UBB: variants seen among roughly 807,000 people sequenced by gnomAD.
UBB encodes ubiquitin B, also known as polyubiquitin-B.
UBB carries 11 observed loss-of-function variants against 12.5 expected under a neutral mutation model. That is an observed-to-expected ratio of 0.88 (90% CI 0.55 to 1.45). UBB has a LOEUF of 1.45. Among genes scored for constraint, UBB ranks in the 40% most tolerant of loss-of-function variants. The pLI is 0.00. For missense variants in UBB, 76 were observed against 286.9 expected (o/e 0.26, Z 5.31); for synonymous variants, 168 against 120.1 (o/e 1.40, Z -2.61).
At chr17:16,381,258 C>T (rs762936283) in intron 1 of UBB, 74 bp downstream of exon 1, 136 of 100,128 alleles carry the variant, frequency 1.4e-3, no homozygotes, top group Admixed American at 2.3e-3. Context: ...GTGGAGGCTT[C>T]TTGGGGTTGG....
rs1183878271 is a variant in UBB at position 16,382,500 on chromosome 17, C to T, written c.593C>T (p.Ala198Val). 1 of 1,613,222 alleles carries T rather than the reference C, an allele frequency of 6.2e-7. No homozygotes were observed. The highest frequency in any genetic ancestry group is 1.3e-5 in the African/African-American group (1 of 74,786). ...IPPDQQRLIF[A>V]GKQLEDGRTL... ...CCCGACCAGCAGAGGCTCATCTTTG[C>T]AGGCAAGCAGCTGGAAGATGGCCGC... The change falls in exon 2 of 2, where the codon GCA (alanine) becomes GTA (valine). Residue 198 changes from alanine to valine, a missense_variant. Coordinates refer to ENST00000302182, the MANE Select transcript of UBB (RefSeq NM_018955.4).
chr17:16,381,592 C>T (rs1368765467), intron 1 of UBB: 4 of 418,448 alleles, frequency 9.6e-6, no homozygotes, highest in Non-Finnish European at 1.8e-5. Flanking sequence ...GTTTGCCTAA[C>T]ACCGTGCTTA....
At chr17:16,381,846 A>G in intron 1 of UBB, 56 bp from the exon 2 acceptor site, 1 of 1,582,730 alleles carries the variant, frequency 6.3e-7, no homozygotes, top group Non-Finnish European at 8.6e-7. Context: ...TTAGGTGTAA[A>G]AGCAAGAAAT....
rs570202063 is a variant in UBB at position 16,382,144 on chromosome 17, C to T, written c.237C>T (p.Ile79=). ...LVLRLRGGMQ[I]FVKTLTGKTI... is the part of the protein sequence containing the mutation. ...TGCGTCTGAGAGGTGGTATGCAGAT[C>T]TTCGTGAAGACCCTGACCGGCAAGA... The change falls in exon 2 of 2, where the codon ATC becomes ATT. Residue 79 remains isoleucine (I), a synonymous_variant. Transcript: ENST00000302182. The T allele has an allele frequency of 5.0e-6, 8 of 1,607,620 alleles. No homozygotes were observed. The highest frequency in any genetic ancestry group is 6.8e-6 in the Non-Finnish European group (8 of 1,178,646).
rs918300096 is a variant in UBB at position 16,381,134 on chromosome 17, C to G, written c.-57C>G. Reference sequence around the variant, plus strand: ...TTGTTGGGTGAGCTTGTTTGTGTCCCTGTGGGTGGACGTGGTTGGTGATTG... The same window carrying G: ...TTGTTGGGTGAGCTTGTTTGTGTCCGTGTGGGTGGACGTGGTTGGTGATTG... On this transcript the variant is annotated 5_prime_UTR_variant, in exon 1 of 2. Transcript: ENST00000302182. The G allele has an allele frequency of 1.3e-5, 2 of 151,960 alleles. No individual in the cohort carries two copies. The highest frequency in any genetic ancestry group is 6.6e-5 in the Admixed American group (1 of 15,174). The allele number at this position is 151,960 out of a possible 1,614,324, so 9.4% of individuals were successfully genotyped here. A position where few individuals can be genotyped will look rare whatever the true frequency, so the allele number is the denominator to read the frequency against.
rs1446370543 is a variant in UBB, at chr17:16,382,406, C to T, written c.499C>T (p.Leu167=). The part of the protein sequence containing the change: ...VKTLTGKTIT[L]EVEPSDTIEN... ...GACCCTGACCGGCAAGACCATCACT[C>T]TGGAGGTGGAGCCCAGTGACACCAT... is the stretch of plus-strand genomic sequence containing the variant. Residue 167 remains leucine (L), a synonymous_variant, in exon 2 of 2, where the codon CTG becomes TTG. Coordinates refer to ENST00000302182, the MANE Select transcript of UBB (RefSeq NM_018955.4). The T allele has an allele frequency of 1.9e-6, 3 of 1,611,752 alleles. No homozygotes were observed. In the South Asian group the frequency reaches 3.3e-5, roughly 18 times the overall value.
rs148876590 is a variant in UBB at position 16,382,072 on chromosome 17, T to A, written c.165T>A (p.Thr55=). Residue 55 remains threonine, a synonymous_variant, in exon 2 of 2, where the codon ACT becomes ACA. Coordinates refer to ENST00000302182, the MANE Select transcript of UBB (RefSeq NM_018955.4). ...FAGKQLEDGR[T]LSDYNIQKES... is the part of the protein sequence containing the mutation. Reference sequence around the variant, plus strand: ...GCAAGCAGCTGGAAGATGGCCGTACTCTTTCTGACTACAACATCCAGAAGG... The same window carrying A: ...GCAAGCAGCTGGAAGATGGCCGTACACTTTCTGACTACAACATCCAGAAGG... 5 of 1,608,070 alleles carry A rather than the reference T, an allele frequency of 3.1e-6. No homozygotes were observed. In the East Asian group the frequency reaches 1.1e-4, roughly 36 times the overall value.
At chr17:16,381,879 C>T (rs750592437) in intron 1 of UBB, 23 bp from the exon 2 acceptor site, 1 of 1,612,382 alleles carries the variant, frequency 6.2e-7, no homozygotes, top group African/African-American at 1.3e-5. Flanking sequence ...AGGTGACACG[C>T]TTATGTTTTA....
Position 16,382,603 on chromosome 17 carries a change from C to A in UBB, c.*6C>A, listed in dbSNP as rs763500226. On this transcript the variant is annotated 3_prime_UTR_variant, in exon 2 of 2. Coordinates refer to ENST00000302182, the MANE Select transcript of UBB (RefSeq NM_018955.4). ...GCCTGAGGGGTGGCTGTTAATTCTT[C>A]AGTCATGGCATTCGCAGTGCCCAGT... 5.6e-6 allele frequency: 9 copies of A among 1,613,752 alleles called. No homozygotes were observed. Among genetic ancestry groups the A allele is most frequent in the African/African-American group, 1.3e-5 (1 of 74,938 alleles).
At position 16,382,507 on chromosome 17, in the gene UBB, G is replaced by A; in HGVS notation, c.600G>A (p.Lys200=). The A allele has an allele frequency of 1.2e-6, 2 of 1,613,430 alleles. No homozygotes were observed. Among genetic ancestry groups the A allele is most frequent in the Non-Finnish European group, 1.7e-6 (2 of 1,179,824 alleles). The change falls in exon 2 of 2, where the codon AAG becomes AAA. Residue 200 remains lysine (K), a synonymous_variant. Coordinates refer to ENST00000302182, the MANE Select transcript of UBB (RefSeq NM_018955.4). ...PDQQRLIFAG[K]QLEDGRTLSD... is the part of the protein sequence containing the mutation. Reference sequence around the variant, plus strand: ...AGCAGAGGCTCATCTTTGCAGGCAAGCAGCTGGAAGATGGCCGCACTCTTT... The same window carrying A: ...AGCAGAGGCTCATCTTTGCAGGCAAACAGCTGGAAGATGGCCGCACTCTTT...
chr17:16,381,604 G>A, intron 1 of UBB: 1 of 452,428 alleles, frequency 2.2e-6, no homozygotes, highest in Non-Finnish European at 4.0e-6. Context: ...CCGTGCTTAG[G>A]TTTGAGGCAG....
chr17:16,382,476 C>G lies in UBB; in HGVS notation c.569C>G (p.Pro190Arg), dbSNP rs764500960. Residue 190 changes from proline (P) to arginine (R), a missense_variant, in exon 2 of 2, where the codon CCC (proline) becomes CGC (arginine). Physicochemically the swap from Pro to Arg is moderately radical, Grantham distance 103. Transcript: ENST00000302182. ...ATCCAAGATAAAGAAGGCATCCCCC[C>G]CGACCAGCAGAGGCTCATCTTTGCA... ...AKIQDKEGIP[P>R]DQQRLIFAGK... 3 of 1,612,736 alleles carry G rather than the reference C, an allele frequency of 1.9e-6. No individual in the cohort carries two copies. The highest frequency in any genetic ancestry group is 2.5e-6 in the Non-Finnish European group (3 of 1,179,716).
upstream of UBB, chr17:16,380,994 G>A (rs1257233812): frequency 2.0e-5 from 3 of 153,542 alleles, no homozygotes; most frequent in Non-Finnish European, 1.5e-5. Flanking sequence ...TGGGCGCGGC[G>A]AACTACTTTC....
rs1218546306 is a variant in UBB at position 16,381,180 on chromosome 17, A to C, written c.-11A>C. On this transcript the variant is annotated 5_prime_UTR_variant, in exon 1 of 2. Coordinates refer to ENST00000302182, the MANE Select transcript of UBB (RefSeq NM_018955.4). ...GATTGGCAGGATCCTGGTATCCGCT[A>C]ACAGGTACTGGCCCGCAGCCGTAAC... The C allele has an allele frequency of 1.3e-5, 2 of 148,316 alleles. No individual in the cohort carries two copies. Among genetic ancestry groups the C allele is most frequent in the Non-Finnish European group, 3.0e-5 (2 of 67,384 alleles). 9.2% of individuals were successfully genotyped at this position (148,316 alleles called of 1,614,324 possible).
intron 1 of UBB, 132 bp from the exon 2 acceptor site, chr17:16,381,770 G>A: frequency 1.7e-6 from 2 of 1,191,484 alleles, no homozygotes; most frequent in African/African-American, 3.1e-5. Flanking sequence ...AAAATTGAGG[G>A]GAGGCTTGCG....
At position 16,382,078 on chromosome 17, in the gene UBB, T is replaced by C. The variant is rs750000365; in HGVS notation, c.171T>C (p.Ser57=). The change falls in exon 2 of 2, where the codon TCT becomes TCC. Residue 57 remains serine, a synonymous_variant. Transcript: ENST00000302182. ...GKQLEDGRTL[S]DYNIQKESTL... is the part of the protein sequence containing the mutation. ...AGCTGGAAGATGGCCGTACTCTTTCTGACTACAACATCCAGAAGGAGTCGA... is the reference window on the plus strand; with the variant it reads ...AGCTGGAAGATGGCCGTACTCTTTCCGACTACAACATCCAGAAGGAGTCGA... 4 of 1,608,336 alleles carry C rather than the reference T, an allele frequency of 2.5e-6. No homozygotes were observed. Among genetic ancestry groups the C allele is most frequent in the Non-Finnish European group, 3.4e-6 (4 of 1,178,652 alleles).
chr17:16,381,104 T>G lies in UBB; in HGVS notation c.-87T>G, dbSNP rs1164556917. On this transcript the variant is annotated 5_prime_UTR_variant, in exon 1 of 2. Transcript: ENST00000302182. ...CCAGCCCGGAGCATTTAGGGGCGGT[T>G]GGCTTTGTTGGGTGAGCTTGTTTGT... 6.5e-6 allele frequency: 1 copy of G among 152,872 alleles called. No individual in the cohort carries two copies. Among genetic ancestry groups the G allele is most frequent in the Non-Finnish European group, 1.5e-5 (1 of 68,072 alleles). The allele number at this position is 152,872 out of a possible 1,614,324, so 9.5% of individuals were successfully genotyped here.
chr17:16,381,504 A>G (rs930090521), intron 1 of UBB: 12 of 217,268 alleles, frequency 5.5e-5, no homozygotes, highest in Non-Finnish European at 1.0e-4. Context: ...TTGGAATCCC[A>G]GTGTGAGAAA....
chr17:16,381,758 G>T (rs1055519040), intron 1 of UBB, 144 bp from the exon 2 acceptor site: 14 of 1,134,950 alleles, frequency 1.2e-5, no homozygotes, highest in African/African-American at 1.6e-5. Flanking sequence ...ACTTAGCCTT[G>T]TAAAATTGAG....
Sources: gnomAD v4.1 joint callset for allele counts on GRCh38, gnomAD v4.1.1 for gene constraint, MANE v1.5 for transcripts, NCBI Gene and HGNC (gene_info 2026-07-23, HGNC 2026-07-21) for gene names.